Variants in GAPDHS observed in about 807,000 individuals in gnomAD.
GAPDHS encodes the protein glyceraldehyde-3-phosphate dehydrogenase, testis-specific.
Under a neutral mutation model 48.7 loss-of-function variants are expected in GAPDHS, and 42 were observed. That is an observed-to-expected ratio of 0.86 (90% CI 0.67 to 1.12). GAPDHS has a LOEUF of 1.12. Among genes scored for constraint, GAPDHS ranks in the 50% most tolerant of loss-of-function variants. GAPDHS has a pLI of 0.00. For synonymous variants in GAPDHS, 166 were observed against 219.1 expected (o/e 0.76, Z 2.14); for missense variants, 512 against 557.7 (o/e 0.92, Z 0.82).
At chr19:35,542,223 C>T (rs987384994) in intron 4 of GAPDHS, 96 bp from the exon 5 acceptor site, 32 of 823,974 alleles carry the variant, frequency 3.9e-5, no homozygotes, top group Admixed American at 1.4e-4. Flanking sequence ...GCAGGTGGGC[C>T]GGTACCTGCT....
At chr19:35,542,644 G>T in intron 6 of GAPDHS, 36 bp downstream of exon 6, 1 of 1,402,822 alleles carries the variant, frequency 7.1e-7, no homozygotes, top group South Asian at 1.2e-5. Context: ...ATGTGTGGAA[G>T]GGAGGGTAGA....
At chr19:35,544,437 C>G (rs1334225673) in intron 9 of GAPDHS, 1 of 171,184 alleles carries the variant, frequency 5.8e-6, no homozygotes, top group Non-Finnish European at 1.3e-5. Context: ...TTAATGGAAT[C>G]ACATTGCATC....
At chr19:35,540,144 C>T (rs958879658) in intron 4 of GAPDHS, among the ~76,000 whole-genome samples, 1 of 152,230 alleles carries the variant, frequency 6.6e-6, no homozygotes, top group African/African-American at 2.4e-5. Flanking sequence ...CCCACCACAG[C>T]GGTAGCTGGG....
intron 9 of GAPDHS, chr19:35,544,529 T>A (rs917775540): frequency 3.6e-5 from 8 of 223,052 alleles, no homozygotes; most frequent in African/African-American, 1.6e-4. Context: ...TTCCTGCAGC[T>A]CCTTCTACCT....
chr19:35,537,075 T>C, intron 2 of GAPDHS, 85 bp downstream of exon 2: 1 of 1,149,486 alleles, frequency 8.7e-7, no homozygotes, highest in Non-Finnish European at 1.3e-6. Context: ...CCTCCACATT[T>C]CCCCCCATCA....
chr19:35,542,029 T>G, intron 4 of GAPDHS: 2 of 447,006 alleles, frequency 4.5e-6, no homozygotes, highest in East Asian at 4.4e-5. Context: ...GCAGTCAGCA[T>G]TGGCGCCTCT....
chr19:35,535,701 A>C (rs1194249559), intron 1 of GAPDHS, among the ~76,000 whole-genome samples: 1 of 151,074 alleles, frequency 6.6e-6, no homozygotes, highest in Non-Finnish European at 1.5e-5. Flanking sequence ...GTGCTGATTA[A>C]AAACAGGATT....
At position 35,543,689 on chromosome 19, in the gene GAPDHS, G is replaced by T. The variant is rs774015974; in HGVS notation, c.918G>T (p.Arg306=). The T allele has an allele frequency of 9.9e-6, 16 of 1,613,836 alleles. No homozygotes were observed. Among genetic ancestry groups the T allele is most frequent in the African/African-American group, 1.3e-5 (1 of 74,910 alleles). Residue 306 remains arginine (R), a synonymous_variant, in exon 9 of 11, where the codon CGG becomes CGT. Transcript: ENST00000222286. ...GGAAGCTGACAGGGATGGCGTTCCG[G>T]GTACCAACCCCGGATGTGTCTGTCG... ...LKGKLTGMAF[R]VPTPDVSVVD...
At chr19:35,543,093 G>T in intron 7 of GAPDHS, 67 bp downstream of exon 7, 1 of 1,270,810 alleles carries the variant, frequency 7.9e-7, no homozygotes, top group Non-Finnish European at 1.1e-6. Context: ...CCCGGGCCTT[G>T]CTTACTGTAT....
Position 35,543,440 on chromosome 19 carries a change from C to G in GAPDHS, c.842C>G (p.Ala281Gly). The G allele has an allele frequency of 6.2e-7, 1 of 1,609,800 alleles. No individual in the cohort carries two copies. Among genetic ancestry groups the G allele is most frequent in the East Asian group, 2.2e-5 (1 of 44,856 alleles). ...GRGAHQNIIP[A>G]STGAAKAVTK... ...GGTGCCCACCAGAACATCATCCCAG[C>G]CTCCACTGGGGCTGCGAAAGCTGTG... The change falls in exon 8 of 11, where the codon GCC (alanine) becomes GGC (glycine). Residue 281 changes from alanine to glycine, a missense_variant. Physicochemically the swap from Ala to Gly is moderately conservative, Grantham distance 60 (BLOSUM62 0). Transcript: ENST00000222286.
intron 6 of GAPDHS, 86 bp downstream of exon 6, chr19:35,542,694 G>T (rs1037776780): frequency 3.1e-6 from 3 of 976,130 alleles, no homozygotes; most frequent in South Asian, 1.4e-5. Flanking sequence ...ATTCCTGGTC[G>T]CTTGGCTTCT....
rs2146293074 is a variant in GAPDHS at position 35,536,916 on chromosome 19, A to C, written c.171A>C (p.Pro57=). Residue 57 remains proline (P), a synonymous_variant, in exon 2 of 11, where the codon CCA becomes CCC. Coordinates refer to ENST00000222286, the MANE Select transcript of GAPDHS (RefSeq NM_014364.5). ...VREEIKPPPP[P]LPPHPATPPP... The stretch of plus-strand genomic sequence containing the variant: ...AGGAAATAAAGCCACCACCGCCACC[A>C]CTGCCTCCTCACCCCGCTACTCCTC... 1 of 1,613,990 alleles carries C rather than the reference A, an allele frequency of 6.2e-7. No homozygotes were observed. Among genetic ancestry groups the C allele is most frequent in the African/African-American group, 1.3e-5 (1 of 74,980 alleles).
chr19:35,545,204 C>T lies in GAPDHS; in HGVS notation c.*34C>T, dbSNP rs1046050155. The T allele has an allele frequency of 1.9e-6, 3 of 1,572,350 alleles. No homozygotes were observed. The highest frequency in any genetic ancestry group is 2.6e-6 in the Non-Finnish European group (3 of 1,141,928). ...GGTCCTTTCTTTCCTTCCCAGGGGC[C>T]GGGGCCGGAACATGTGCCTCCCGTT... On this transcript the variant is annotated 3_prime_UTR_variant, in exon 11 of 11. Coordinates refer to ENST00000222286, the MANE Select transcript of GAPDHS (RefSeq NM_014364.5).
intron 7 of GAPDHS, 47 bp downstream of exon 7, chr19:35,543,073 C>A: frequency 1.4e-6 from 2 of 1,406,442 alleles, no homozygotes; most frequent in Non-Finnish European, 2.0e-6. Context: ...GCAGGGAAAC[C>A]CAACTTCTTC....
At position 35,545,217 on chromosome 19, in the gene GAPDHS, T is replaced by C; in HGVS notation, c.*47T>C. The C allele has an allele frequency of 6.6e-7, 1 of 1,504,128 alleles. No individual in the cohort carries two copies. Among genetic ancestry groups the C allele is most frequent in the Non-Finnish European group, 9.3e-7 (1 of 1,080,034 alleles). The allele number at this position is 1,504,128 out of a possible 1,614,324, so 93.2% of individuals were successfully genotyped here. On this transcript the variant is annotated 3_prime_UTR_variant, in exon 11 of 11. Transcript: ENST00000222286. ...CTTCCCAGGGGCCGGGGCCGGAACA[T>C]GTGCCTCCCGTTCCAGCATCTGGCT...
intron 9 of GAPDHS, 46 bp downstream of exon 9, chr19:35,543,873 G>A (rs1224481308): frequency 6.6e-7 from 1 of 1,520,768 alleles, no homozygotes; most frequent in Non-Finnish European, 8.8e-7. Flanking sequence ...CTCTGGGAAG[G>A]GACATGATTT....
intron 3 of GAPDHS, 57 bp downstream of exon 3, chr19:35,538,460 T>G: frequency 7.8e-7 from 1 of 1,280,742 alleles, no homozygotes; most frequent in Non-Finnish European, 1.1e-6. Context: ...GGAAAGGGAC[T>G]CAGGGAAGCT....
chr19:35,539,509 G>A lies in GAPDHS; in HGVS notation c.449+826G>A, dbSNP rs571226273. Among the ~76,000 whole-genome samples the A allele has an allele frequency of 2.6e-5, 4 of 152,186 alleles. No homozygotes were observed. The South Asian group carries it at 6.2e-4, about 24-fold the overall frequency. On this transcript the variant is annotated intron_variant, in intron 4 of 10. Transcript: ENST00000222286. ...CACCTTTCTAATGTAAACTATTAGC[G>A]ACTCCTGGCTCTGTGGCTGCCTGGG... is the stretch of plus-strand genomic sequence containing the variant.
At chr19:35,544,104 T>G in intron 9 of GAPDHS, 22 of 368,546 alleles carry the variant, frequency 6.0e-5, no homozygotes, top group Non-Finnish European at 7.8e-5. Flanking sequence ...TGTGGCCATA[T>G]TCCTCACCTG....
Sources: gnomAD v4.1 joint callset for allele counts (sites outside exome capture counted in the v4.1 genomes callset) on GRCh38, gnomAD v4.1.1 for gene constraint, MANE v1.5 for transcripts, NCBI Gene and HGNC (gene_info 2026-07-23, HGNC 2026-07-21) for gene names.